The following GALNTL6 variants were observed in gnomAD, a reference collection of about 807,000 sequenced individuals.
The protein encoded by GALNTL6 is polypeptide N-acetylgalactosaminyltransferase like 6, also known as polypeptide N-acetylgalactosaminyltransferase-like 6.
GALNTL6 carries 46 observed loss-of-function variants against 73.7 expected under a neutral mutation model. The observed-to-expected ratio is 0.62, with a 90% confidence interval of 0.49 to 0.80. The LOEUF (loss-of-function observed/expected upper bound fraction) is 0.80. Ranked by LOEUF, GALNTL6 falls within the 30% of genes least tolerant of loss-of-function variation. The pLI, the probability that GALNTL6 is intolerant of heterozygous loss-of-function variation, is 0.00. For missense variants in GALNTL6, 604 were observed against 755.0 expected (o/e 0.80, Z 2.34); for synonymous variants, 259 against 263.7 (o/e 0.98, Z 0.17).
chr4:172,997,733 G>C (rs145905390), intron 10 of GALNTL6, among the ~76,000 whole-genome samples: 1 of 152,272 alleles, frequency 6.6e-6, no homozygotes, highest in East Asian at 1.9e-4. Context: ...TGATAACAGA[G>C]TGGCATGACT....
chr4:171,966,374 T>C (rs975238714), intron 2 of GALNTL6, among the ~76,000 whole-genome samples: 47 of 152,134 alleles, frequency 3.1e-4, no homozygotes, highest in African/African-American at 1.1e-3. Context: ...TCTTGGTGAA[T>C]GAGAGTGGGG....
intron 4 of GALNTL6, among the ~76,000 whole-genome samples, chr4:172,320,912 C>T (rs914654244): frequency 1.3e-5 from 2 of 152,156 alleles, no homozygotes; most frequent in African/African-American, 4.8e-5. Flanking sequence ...GGACTTCAAA[C>T]AAAATACGGT....
At chr4:172,851,788 A>C (rs545311545) in intron 7 of GALNTL6, among the ~76,000 whole-genome samples, 1 of 152,292 alleles carries the variant, frequency 6.6e-6, no homozygotes, top group South Asian at 2.1e-4. Flanking sequence ...ATCCAAAGAG[A>C]CTCATCTTGT....
intron 5 of GALNTL6, among the ~76,000 whole-genome samples, chr4:172,416,930 G>C (rs1003110184): frequency 9.2e-5 from 14 of 152,030 alleles, no homozygotes; most frequent in African/African-American, 3.1e-4. Flanking sequence ...TCATAAGCTT[G>C]TGTTTTATAA....
chr4:172,464,040 G>A (rs1039793118), intron 5 of GALNTL6, among the ~76,000 whole-genome samples: 1 of 152,054 alleles, frequency 6.6e-6, no homozygotes, highest in African/African-American at 2.4e-5. Flanking sequence ...GATGCTCTTT[G>A]TTTGTCTTTT....
At chr4:172,131,982 A>G (rs1326535698) in intron 2 of GALNTL6, among the ~76,000 whole-genome samples, 1 of 152,098 alleles carries the variant, frequency 6.6e-6, no homozygotes, top group Non-Finnish European at 1.5e-5. Flanking sequence ...AGTATATATT[A>G]TTCTTCAGAG....
chr4:172,624,424 G>GAA (rs11388110), intron 5 of GALNTL6, among the ~76,000 whole-genome samples: 105 of 149,230 alleles, frequency 7.0e-4, no homozygotes, highest in African/African-American at 1.6e-3. Context: ...CATCCACCTA[G>GAA]AAAAAAAAAA....
chr4:172,440,345 T>A (rs981714493), intron 5 of GALNTL6, among the ~76,000 whole-genome samples: 1 of 151,966 alleles, frequency 6.6e-6, no homozygotes, highest in African/African-American at 2.4e-5. Flanking sequence ...CATGGAGGAA[T>A]CTCAGATACA....
At chr4:171,998,060 T>C (rs1579045487) in intron 2 of GALNTL6, among the ~76,000 whole-genome samples, 3 of 152,288 alleles carry the variant, frequency 2.0e-5, no homozygotes, top group Admixed American at 2.0e-4. Context: ...ATGCCTCTTT[T>C]ACCCCATTAG....
intron 5 of GALNTL6, among the ~76,000 whole-genome samples, chr4:172,405,908 G>T (rs905369662): frequency 6.6e-6 from 1 of 151,782 alleles, no homozygotes; most frequent in Admixed American, 6.6e-5. Context: ...CTCTCCCAAG[G>T]ATATTGATAG....
At chr4:171,881,477 A>G (rs908688801) in intron 2 of GALNTL6, among the ~76,000 whole-genome samples, 3 of 151,944 alleles carry the variant, frequency 2.0e-5, no homozygotes, top group Admixed American at 6.6e-5. Context: ...CCTGCTTTAT[A>G]TCTCTGGCAG....
At chr4:172,536,859 A>C (rs12331842) in intron 5 of GALNTL6, among the ~76,000 whole-genome samples, 6,333 of 152,270 alleles carry the variant, frequency 0.042, 415 homozygotes, top group African/African-American at 0.14. Context: ...AATGCTAATC[A>C]CCAAGACAAT....
At chr4:171,856,578 G>A (rs1735698128) in intron 2 of GALNTL6, among the ~76,000 whole-genome samples, 1 of 152,034 alleles carries the variant, frequency 6.6e-6, no homozygotes, top group African/African-American at 2.4e-5. Flanking sequence ...TCTATTTTGA[G>A]TTAATTTTTG....
chr4:172,810,352 A>T (rs1579511623), intron 6 of GALNTL6, among the ~76,000 whole-genome samples: 1 of 152,202 alleles, frequency 6.6e-6, no homozygotes, highest in African/African-American at 2.4e-5. Flanking sequence ...AGTTGTAGAT[A>T]AGAAATAAAT....
In GALNTL6 at chr4:172,961,575, C is replaced by T. The variant is rs143979989; in HGVS notation, c.1371+9317C>T. On this transcript the variant is annotated intron_variant, in intron 10 of 12. Transcript: ENST00000506823. ...AAGACTGTCTTCCCAAGTCCGTGAC[C>T]GGCACCAGAGTTTTGGGTTCACGGG... 2.3e-3 allele frequency among the ~76,000 whole-genome samples: 357 copies of T among 152,274 alleles called. 1 individual carries two copies. Among genetic ancestry groups the T allele is most frequent in the Middle Eastern group, 0.02 (6 of 294 alleles).
At chr4:172,910,304 A>C (rs1224510942) in intron 8 of GALNTL6, among the ~76,000 whole-genome samples, 3 of 152,184 alleles carry the variant, frequency 2.0e-5, no homozygotes, top group Non-Finnish European at 4.4e-5. Context: ...GAGTGCCAAA[A>C]AGATTATACA....
intron 5 of GALNTL6, among the ~76,000 whole-genome samples, chr4:172,625,435 G>A (rs1739129893): frequency 1.3e-5 from 2 of 151,666 alleles, no homozygotes; most frequent in South Asian, 2.1e-4. Flanking sequence ...TATCCAATCT[G>A]CCGTTGATTC....
Position 172,445,842 on chromosome 4 carries a change from TA to T in GALNTL6, c.553+97158del, listed in dbSNP as rs573318649. Among the ~76,000 whole-genome samples, 467 of 152,260 alleles carry T rather than the reference TA, an allele frequency of 3.1e-3. 2 individuals are homozygous for T. The highest frequency in any genetic ancestry group is 0.01 in the African/African-American group (433 of 41,564). The stretch of plus-strand genomic sequence containing the variant: ...AATAAATTTTTTGTCAGAAAAGGTA[TA>T]AAAATATAAATTAAGAAAAGAGAAG... On this transcript the variant is annotated intron_variant, in intron 5 of 12. Transcript: ENST00000506823.
At chr4:172,654,800 T>G (rs1484157978) in intron 5 of GALNTL6, among the ~76,000 whole-genome samples, 2 of 152,262 alleles carry the variant, frequency 1.3e-5, no homozygotes, top group Non-Finnish European at 2.9e-5. Context: ...TTTCCTTCTT[T>G]GGCCTAGGAT....
Sources: allele counts gnomAD v4.1 joint callset (sites outside exome capture counted in the v4.1 genomes callset), GRCh38; gene constraint gnomAD v4.1.1; transcripts MANE v1.5; gene names NCBI Gene and HGNC (gene_info 2026-07-23, HGNC 2026-07-21).